The following KANK4 variants were observed in gnomAD, a reference collection of about 807,000 sequenced individuals.
KANK4 encodes the protein KN motif and ankyrin repeat domains 4.
A neutral mutation model predicts 80.8 loss-of-function variants in KANK4; 50 were observed. That is an observed-to-expected ratio of 0.62 (90% CI 0.49 to 0.78). The LOEUF is 0.78. KANK4 is among the 30% of genes least tolerant of loss of function. KANK4 has a pLI of 0.00. For missense variants in KANK4, 1,196 were observed against 1,240.1 expected (o/e 0.96, Z 0.53); for synonymous variants, 465 against 506.9 (o/e 0.92, Z 1.11).
At chr1:62,244,201 T>TTTA (rs1018898261) in intron 9 of KANK4, among the ~76,000 whole-genome samples, 7 of 144,612 alleles carry the variant, frequency 4.8e-5, no homozygotes, top group African/African-American at 1.1e-4. Context: ...TATTTTTTAT[T>TTTA]TTTTTTTTTT....
In KANK4 at chr1:62,275,068, C is replaced by T. The variant is rs1255613096; in HGVS notation, c.36G>A (p.Gln12=). The T allele has an allele frequency of 6.2e-7, 1 of 1,608,452 alleles. No individual in the cohort carries two copies. Among genetic ancestry groups the T allele is most frequent in the South Asian group, 1.1e-5 (1 of 90,026 alleles). Reference sequence around the variant, plus strand: ...TCGGAGGGTCTTTCTCTTCATCCCCCTGAGAGGACTGGTCTTTGGCTGGGA... The same window carrying T: ...TCGGAGGGTCTTTCTCTTCATCCCCTTGAGAGGACTGGTCTTTGGCTGGGA... ...EKTDAKDQSS[Q]GDEEKDPPKS... is the part of the protein sequence containing the mutation. Residue 12 remains glutamine, a synonymous_variant, in exon 3 of 10, where the codon CAG becomes CAA. Coordinates refer to ENST00000371153, the MANE Select transcript of KANK4 (RefSeq NM_181712.5).
intron 1 of KANK4, among the ~76,000 whole-genome samples, chr1:62,308,833 C>T (rs1644474798): frequency 6.6e-6 from 1 of 152,222 alleles, no homozygotes; most frequent in African/African-American, 2.4e-5. Context: ...CAGAGAAAGG[C>T]AGATTCCTAA....
chr1:62,281,224 A>G (rs895945630), intron 2 of KANK4, among the ~76,000 whole-genome samples: 2 of 152,264 alleles, frequency 1.3e-5, no homozygotes, highest in African/African-American at 4.8e-5. Context: ...TTGAGAAATA[A>G]TTAACATCTT....
At chr1:62,284,908 C>A (rs984263334) in intron 1 of KANK4, among the ~76,000 whole-genome samples, 3 of 152,086 alleles carry the variant, frequency 2.0e-5, no homozygotes, top group African/African-American at 7.2e-5. Flanking sequence ...GTCTAACTCA[C>A]GGCAGACACT....
chr1:62,296,832 A>T (rs543189395), intron 1 of KANK4, among the ~76,000 whole-genome samples: 1 of 152,166 alleles, frequency 6.6e-6, no homozygotes, highest in African/African-American at 2.4e-5. Flanking sequence ...GAGCCACCAC[A>T]TCTGGCTGCA....
At chr1:62,310,175 C>A (rs1644486674) in intron 1 of KANK4, among the ~76,000 whole-genome samples, 2 of 152,172 alleles carry the variant, frequency 1.3e-5, no homozygotes, top group African/African-American at 4.8e-5. Context: ...CAAACTGGGG[C>A]AAAAGTCCTC....
intron 1 of KANK4, among the ~76,000 whole-genome samples, chr1:62,297,480 C>G (rs1471940500): frequency 6.6e-6 from 1 of 152,100 alleles, no homozygotes; most frequent in Non-Finnish European, 1.5e-5. Context: ...AGACCGAGCT[C>G]TTAACAACAG....
At chr1:62,251,986 C>T (rs1385232712) in intron 8 of KANK4, among the ~76,000 whole-genome samples, 2 of 92,672 alleles carry the variant, frequency 2.2e-5, no homozygotes, top group East Asian at 3.9e-4. Flanking sequence ...AGTGAGACTC[C>T]GTTTCAAAAA....
chr1:62,297,142 G>A (rs563808054), intron 1 of KANK4, among the ~76,000 whole-genome samples: 2 of 152,128 alleles, frequency 1.3e-5, no homozygotes, highest in South Asian at 2.1e-4. Context: ...GCTTGAACCC[G>A]GGAGACGGAG....
At chr1:62,287,535 G>C (rs889679811) in intron 1 of KANK4, among the ~76,000 whole-genome samples, 2 of 152,172 alleles carry the variant, frequency 1.3e-5, no homozygotes, top group Non-Finnish European at 2.9e-5. Flanking sequence ...CACTTGCAAA[G>C]CACTTTCCGT....
chr1:62,241,684 A>G (rs1055524454), intron 9 of KANK4, among the ~76,000 whole-genome samples: 2 of 152,194 alleles, frequency 1.3e-5, no homozygotes, highest in Non-Finnish European at 2.9e-5. Flanking sequence ...GGGTTCTTAC[A>G]TTGGAAAGTA....
intron 1 of KANK4, among the ~76,000 whole-genome samples, chr1:62,301,254 GAA>G (rs1353601129): frequency 6.6e-6 from 1 of 152,082 alleles, no homozygotes; most frequent in African/African-American, 2.4e-5. Context: ...GAGACTGGGA[GAA>G]AGAGAAACAT....
At chr1:62,266,492 TCA>T (rs1393025825) in intron 6 of KANK4, among the ~76,000 whole-genome samples, 3 of 142,138 alleles carry the variant, frequency 2.1e-5, no homozygotes, top group Non-Finnish European at 3.0e-5. Context: ...CACCACTGCC[TCA>T]CACACACACC....
intron 6 of KANK4, among the ~76,000 whole-genome samples, chr1:62,265,720 T>C (rs534395738): frequency 6.6e-6 from 1 of 152,350 alleles, no homozygotes; most frequent in African/African-American, 2.4e-5. Flanking sequence ...CCATGGGTCT[T>C]ACAGCTGCTC....
chr1:62,283,286 T>G (rs1180892464), intron 1 of KANK4, among the ~76,000 whole-genome samples: 1 of 152,182 alleles, frequency 6.6e-6, no homozygotes, highest in African/African-American at 2.4e-5. Context: ...CGGGCAGAGC[T>G]GGGAGTACTT....
At chr1:62,247,421 T>A (rs1316268612) in intron 9 of KANK4, 51 bp downstream of exon 9, 2 of 1,554,790 alleles carry the variant, frequency 1.3e-6, no homozygotes, top group Non-Finnish European at 8.8e-7. Context: ...GTTACAGGTA[T>A]GAGCCACCCT....
At chr1:62,271,202 C>T (rs72925714) in intron 4 of KANK4, among the ~76,000 whole-genome samples, 2 of 152,198 alleles carry the variant, frequency 1.3e-5, no homozygotes, top group African/African-American at 2.4e-5. Flanking sequence ...TCTAAGGGCC[C>T]GTATACCCCC....
intron 1 of KANK4, among the ~76,000 whole-genome samples, chr1:62,313,632 T>C (rs1377653551): frequency 3.3e-5 from 5 of 152,026 alleles, no homozygotes; most frequent in African/African-American, 7.3e-5. Context: ...TTCTCATTCA[T>C]AAGTAAGAGT....
Position 62,237,913 on chromosome 1 carries a change from T to C in KANK4, c.*364A>G, listed in dbSNP as rs1312410492. On this transcript the variant is annotated 3_prime_UTR_variant, in exon 10 of 10. Coordinates refer to ENST00000371153, the MANE Select transcript of KANK4 (RefSeq NM_181712.5). ...ACTGTAAAATTCCATGTAAAAAGTA[T>C]TGCTTTTCTAATGTGCTAATGTGCT... 1 of 177,068 alleles carries C rather than the reference T, an allele frequency of 5.6e-6. No homozygotes were observed. The highest frequency in any genetic ancestry group is 1.2e-5 in the Non-Finnish European group (1 of 84,132). The allele number at this position is 177,068 out of a possible 1,614,324, so 11.0% of individuals were successfully genotyped here. A position where few individuals can be genotyped will look rare whatever the true frequency, so the allele number is the denominator to read the frequency against.
Sources: gnomAD v4.1 joint callset for allele counts (sites outside exome capture counted in the v4.1 genomes callset) on GRCh38, gnomAD v4.1.1 for gene constraint, MANE v1.5 for transcripts, NCBI Gene and HGNC (gene_info 2026-07-23, HGNC 2026-07-21) for gene names.